DDX1: variants seen among roughly 807,000 people sequenced by gnomAD.
DDX1 encodes ATP-dependent RNA helicase DDX1.
A neutral mutation model predicts 108.7 loss-of-function variants in DDX1; 28 were observed. That is an observed-to-expected ratio of 0.26 (90% CI 0.19 to 0.35). The LOEUF is 0.35. Ranked by LOEUF, DDX1 falls within the 10% of genes least tolerant of loss-of-function variation. The pLI is 1.00. For missense variants in DDX1, 710 were observed against 884.5 expected, an observed-to-expected ratio of 0.80 and a Z score of 2.50; for synonymous variants, 295 against 288.9, an observed-to-expected ratio of 1.02 and a Z score of -0.21.
At chr2:15,596,284 T>C (rs1665496364) in intron 3 of DDX1, among the ~76,000 whole-genome samples, 1 of 152,180 alleles carries the variant, frequency 6.6e-6, no homozygotes, top group Non-Finnish European at 1.5e-5. Flanking sequence ...TTCAGTTGGT[T>C]GGTAGCATAA....
chr2:15,629,885 C>T (rs1666164777), intron 24 of DDX1, 105 bp from the exon 25 acceptor site: 9 of 1,198,090 alleles, frequency 7.5e-6, no homozygotes, highest in Non-Finnish European at 8.2e-6. Flanking sequence ...ATCTGACTTC[C>T]ATTTATACCA....
rs368177836 is a variant in DDX1, at chr2:15,603,926, G to A, written c.552+36G>A. 8.4e-6 allele frequency: 12 copies of A among 1,420,348 alleles called. No homozygotes were observed. In the African/African-American group the frequency reaches 1.7e-4, roughly 20 times the overall value. 88.0% of individuals were successfully genotyped at this position (1,420,348 alleles called of 1,614,324 possible). ...ATGTTATGACTTCAACATAGCATAA[G>A]TAAGTTTTCTTGCATACTTAATCAC... On this transcript the variant is annotated intron_variant, in intron 9 of 25. Transcript: ENST00000233084.
chr2:15,626,859 T>G (rs1666106578), intron 19 of DDX1, among the ~76,000 whole-genome samples, 195 bp from the exon 20 acceptor site: 1 of 152,164 alleles, frequency 6.6e-6, no homozygotes, highest in South Asian at 2.1e-4. Flanking sequence ...AGGACAACTT[T>G]AATGCTCCGT....
intron 8 of DDX1, 76 bp from the exon 9 acceptor site, chr2:15,603,738 T>C: frequency 1.0e-6 from 1 of 986,898 alleles, no homozygotes; most frequent in Non-Finnish European, 1.5e-6. Context: ...ACTATGTGAA[T>C]AAAATTACTT....
At chr2:15,593,625 G>A (rs1665454036) in intron 1 of DDX1, among the ~76,000 whole-genome samples, 1 of 152,180 alleles carries the variant, frequency 6.6e-6, no homozygotes, top group African/African-American at 2.4e-5. Flanking sequence ...TATTCCGTAT[G>A]CAGTAAGAAC....
intron 13 of DDX1, among the ~76,000 whole-genome samples, chr2:15,611,556 CGGGGGGCT>C: frequency 7.8e-6 from 1 of 127,802 alleles, no homozygotes; most frequent in Admixed American, 7.5e-5. Flanking sequence ...GCTGGCCGGG[CGGGGGGCT>C]GACCCCCCGA....
At chr2:15,617,135 C>T in intron 14 of DDX1, 109 bp from the exon 15 acceptor site, 1 of 444,290 alleles carries the variant, frequency 2.3e-6, no homozygotes, top group Non-Finnish European at 4.1e-6. Flanking sequence ...AGTTGACTGA[C>T]TACTTCAATA....
chr2:15,627,582 T>C (rs952932550), intron 20 of DDX1: 12 of 157,310 alleles, frequency 7.6e-5, no homozygotes, highest in African/African-American at 2.7e-4. Context: ...TTTCCAGTTA[T>C]ATGCTTGCAG....
chr2:15,619,333 C>T (rs1046068210), intron 16 of DDX1, among the ~76,000 whole-genome samples: 6 of 152,224 alleles, frequency 3.9e-5, no homozygotes, highest in Non-Finnish European at 8.8e-5. Context: ...CAACACGGGG[C>T]CAGGGTCCAG....
intron 19 of DDX1, among the ~76,000 whole-genome samples, chr2:15,626,803 C>T (rs1236344080): frequency 1.6e-4 from 25 of 152,126 alleles, no homozygotes; most frequent in Non-Finnish European, 1.5e-5. Context: ...GCTTGATCCA[C>T]TCCTCCTACA....
intron 8 of DDX1, 69 bp downstream of exon 8, chr2:15,603,344 A>T: frequency 9.4e-7 from 1 of 1,065,194 alleles, no homozygotes; most frequent in Non-Finnish European, 1.4e-6. Flanking sequence ...TATTTGGGGA[A>T]GCAAAATAAT....
chr2:15,599,814 C>T (rs1665559291), intron 6 of DDX1, 98 bp downstream of exon 6: 2 of 875,292 alleles, frequency 2.3e-6, no homozygotes, highest in African/African-American at 3.4e-5. Context: ...ATTTAATTTA[C>T]CAGATATTAG....
intron 19 of DDX1, among the ~76,000 whole-genome samples, chr2:15,625,854 T>C (rs1666094087): frequency 6.6e-6 from 1 of 152,008 alleles, no homozygotes; most frequent in African/African-American, 2.4e-5. Flanking sequence ...ATATAAAGAA[T>C]ACATTACACT....
chr2:15,614,756 C>G (rs1276437911), intron 14 of DDX1, among the ~76,000 whole-genome samples: 3 of 152,152 alleles, frequency 2.0e-5, no homozygotes, highest in Non-Finnish European at 2.9e-5. Context: ...AAATTATCTA[C>G]TTTGTGATAT....
intron 16 of DDX1, among the ~76,000 whole-genome samples, chr2:15,619,956 G>C (rs904480285): frequency 6.6e-6 from 1 of 152,156 alleles, no homozygotes; most frequent in African/African-American, 2.4e-5. Context: ...TTACAAAAAT[G>C]ACTCATTTTA....
At chr2:15,617,657 T>G (rs1018776531) in intron 15 of DDX1, among the ~76,000 whole-genome samples, 12 of 152,224 alleles carry the variant, frequency 7.9e-5, no homozygotes, top group Non-Finnish European at 1.5e-4. Context: ...TACTCTTATT[T>G]CTAGGTATGT....
At position 15,597,349 on chromosome 2, in the gene DDX1, A is replaced by G. The variant is rs1369944270; in HGVS notation, c.163-26A>G. 48 of 1,423,676 alleles carry G rather than the reference A, an allele frequency of 3.4e-5. No individual in the cohort carries two copies. The Admixed American group carries it at 9.3e-4, about 28-fold the overall frequency. The allele number at this position is 1,423,676 out of a possible 1,614,324, so 88.2% of individuals were successfully genotyped here. ...TTGTCGTTAATATGTGAATACTAAT[A>G]TAGATACCTTTTGTTTCTTTGATAG... On this transcript the variant is annotated intron_variant, in intron 4 of 25. Coordinates refer to ENST00000233084, the MANE Select transcript of DDX1 (RefSeq NM_004939.3).
At chr2:15,613,635 G>A (rs1362194674) in intron 14 of DDX1, among the ~76,000 whole-genome samples, 1 of 152,130 alleles carries the variant, frequency 6.6e-6, no homozygotes, top group African/African-American at 2.4e-5. Flanking sequence ...AAAATAGATT[G>A]CAGAGAAGGA....
At chr2:15,603,341 G>A in intron 8 of DDX1, 66 bp downstream of exon 8, 1 of 1,091,742 alleles carries the variant, frequency 9.2e-7, no homozygotes, top group South Asian at 1.4e-5. Context: ...TATTATTTGG[G>A]GAAGCAAAAT....
Sources: gnomAD v4.1 joint callset for allele counts (sites outside exome capture counted in the v4.1 genomes callset) on GRCh38, gnomAD v4.1.1 for gene constraint, MANE v1.5 for transcripts, NCBI Gene and HGNC (gene_info 2026-07-23, HGNC 2026-07-21) for gene names.